Variants in LSAMP observed in about 807,000 individuals in gnomAD.
The protein encoded by LSAMP is limbic system associated membrane protein.
Under a neutral mutation model 38.6 loss-of-function variants are expected in LSAMP, and 7 were observed. The observed-to-expected ratio is 0.18, with a 90% CI of 0.10 to 0.34. The LOEUF is 0.34. LSAMP is among the 10% of genes least tolerant of loss of function. The pLI, the probability that LSAMP is intolerant of heterozygous loss-of-function variation, is 1.00. For missense variants in LSAMP, 313 were observed against 420.0 expected (o/e 0.75, Z 2.23); for synonymous variants, 154 against 166.8 (o/e 0.92, Z 0.59).
chr3:116,024,650 T>C lies in LSAMP; in HGVS notation c.389-5010A>G, dbSNP rs141093420. ...AGATATGTCTTTCTTAGTGTAATAG[T>C]TTAGTATTTCTTTCCTAGTTTCCCA... On this transcript the variant is annotated intron_variant, in intron 2 of 6. Transcript: ENST00000490035. Among the ~76,000 whole-genome samples the C allele has an allele frequency of 3.3e-3, 497 of 152,192 alleles. 7 individuals are homozygous for C. Among genetic ancestry groups the C allele is most frequent in the African/African-American group, 0.011 (476 of 41,526 alleles).
chr3:115,915,664 C>T (rs1438299653), intron 3 of LSAMP, among the ~76,000 whole-genome samples: 1 of 151,366 alleles, frequency 6.6e-6, no homozygotes, highest in Non-Finnish European at 1.5e-5. Flanking sequence ...GACAGAGTCT[C>T]GCTCTGTTGC....
chr3:116,394,956 A>G (rs551359943), intron 1 of LSAMP, among the ~76,000 whole-genome samples: 42 of 152,276 alleles, frequency 2.8e-4, no homozygotes, highest in Non-Finnish European at 4.7e-4. Flanking sequence ...TTATTTTTAA[A>G]TATTATCAAG....
chr3:116,325,190 C>T (rs2047754145), intron 1 of LSAMP, among the ~76,000 whole-genome samples: 1 of 151,646 alleles, frequency 6.6e-6, no homozygotes, highest in Non-Finnish European at 1.5e-5. Context: ...AGTGCAGTGG[C>T]TATTTACAGG....
At chr3:116,091,148 G>A (rs1352203605) in intron 1 of LSAMP, among the ~76,000 whole-genome samples, 1 of 152,160 alleles carries the variant, frequency 6.6e-6, no homozygotes, top group Non-Finnish European at 1.5e-5. Context: ...TCTCAGGGAC[G>A]TTCCATGCTG....
At chr3:116,397,489 A>G (rs2048784164) in intron 1 of LSAMP, among the ~76,000 whole-genome samples, 1 of 150,556 alleles carries the variant, frequency 6.6e-6, no homozygotes, top group Non-Finnish European at 1.5e-5. Flanking sequence ...CTAACATAAT[A>G]TTTACTTATT....
chr3:116,252,536 AT>A (rs201161708), intron 1 of LSAMP, among the ~76,000 whole-genome samples: 6 of 152,108 alleles, frequency 3.9e-5, no homozygotes, highest in South Asian at 2.1e-4. Context: ...TGAAAAAAAA[AT>A]AGAAGGAACA....
intron 1 of LSAMP, among the ~76,000 whole-genome samples, chr3:116,391,784 A>C (rs772267413): frequency 6.6e-6 from 1 of 152,138 alleles, no homozygotes; most frequent in African/African-American, 2.4e-5. Context: ...CACTTCAGGG[A>C]TCCAGCCAGC....
intron 3 of LSAMP, among the ~76,000 whole-genome samples, chr3:115,939,107 T>C (rs1384980864): frequency 6.6e-6 from 1 of 152,194 alleles, no homozygotes; most frequent in African/African-American, 2.4e-5. Flanking sequence ...AATGACTTGT[T>C]ACCTGTCACA....
intron 1 of LSAMP, among the ~76,000 whole-genome samples, chr3:116,434,826 A>C (rs1243007762): frequency 3.3e-5 from 5 of 152,224 alleles, no homozygotes; most frequent in African/African-American, 1.2e-4. Context: ...TTGGGATTAC[A>C]GCGTGAGCCA....
intron 1 of LSAMP, among the ~76,000 whole-genome samples, chr3:116,105,276 A>G (rs1708438403): frequency 2.0e-5 from 3 of 152,158 alleles, no homozygotes; most frequent in African/African-American, 7.2e-5. Context: ...GCCACACAGT[A>G]GAAGCATGAT....
chr3:116,182,149 T>C (rs528055040), intron 1 of LSAMP, among the ~76,000 whole-genome samples: 1 of 151,880 alleles, frequency 6.6e-6, no homozygotes, highest in African/African-American at 2.4e-5. Flanking sequence ...CATTCTCCCA[T>C]GGAAATAACT....
At chr3:116,117,345 A>C (rs1708775502) in intron 1 of LSAMP, among the ~76,000 whole-genome samples, 1 of 152,130 alleles carries the variant, frequency 6.6e-6, no homozygotes, top group South Asian at 2.1e-4. Context: ...TTTTAAAATA[A>C]ACTATTTTAG....
chr3:116,235,213 C>T (rs1277954114), intron 1 of LSAMP, among the ~76,000 whole-genome samples: 1 of 152,002 alleles, frequency 6.6e-6, no homozygotes, highest in East Asian at 1.9e-4. Flanking sequence ...TACCTGGGCT[C>T]AAGTGATCGT....
At chr3:116,209,919 T>A (rs956840161) in intron 1 of LSAMP, among the ~76,000 whole-genome samples, 1 of 150,008 alleles carries the variant, frequency 6.7e-6, no homozygotes, top group Non-Finnish European at 1.5e-5. Flanking sequence ...CCCGGCAAAA[T>A]TTTTTTTTGT....
intron 1 of LSAMP, among the ~76,000 whole-genome samples, chr3:116,406,858 A>G (rs1355794576): frequency 6.6e-6 from 1 of 152,034 alleles, no homozygotes; most frequent in East Asian, 1.9e-4. Context: ...AAATGTAAGT[A>G]TAAAGAAAAG....
At chr3:116,082,218 C>T (rs1707886407) in intron 2 of LSAMP, among the ~76,000 whole-genome samples, 1 of 152,068 alleles carries the variant, frequency 6.6e-6, no homozygotes, top group Admixed American at 6.6e-5. Context: ...GATGAGTCTA[C>T]AGATATTTTA....
At chr3:116,252,208 C>A (rs1454504180) in intron 1 of LSAMP, among the ~76,000 whole-genome samples, 1 of 152,172 alleles carries the variant, frequency 6.6e-6, no homozygotes, top group Non-Finnish European at 1.5e-5. Flanking sequence ...TCCATAAGCA[C>A]AAAGAAGCAA....
intron 1 of LSAMP, among the ~76,000 whole-genome samples, chr3:116,113,952 A>T (rs527577054): frequency 6.6e-6 from 1 of 152,312 alleles, no homozygotes; most frequent in South Asian, 2.1e-4. Flanking sequence ...TGATTGAAGC[A>T]TGATTTACTG....
intron 1 of LSAMP, among the ~76,000 whole-genome samples, chr3:116,293,659 C>T (rs1002590134): frequency 1.3e-5 from 2 of 151,924 alleles, no homozygotes; most frequent in African/African-American, 4.8e-5. Flanking sequence ...AACATGAAAT[C>T]AATAGATATT....
Sources: allele counts gnomAD v4.1 joint callset (sites outside exome capture counted in the v4.1 genomes callset), GRCh38; gene constraint gnomAD v4.1.1; transcripts MANE v1.5; gene names NCBI Gene and HGNC (gene_info 2026-07-23, HGNC 2026-07-21).